Variants in PDCD2L observed in about 807,000 individuals in gnomAD.
PDCD2L encodes the protein programmed cell death 2 like.
In PDCD2L, 44 loss-of-function variants were observed where a neutral mutation model predicts 40.4. That is an observed-to-expected ratio of 1.09 (90% CI 0.86 to 1.40). The LOEUF is 1.40. PDCD2L is among the 40% of genes most tolerant of loss of function. The pLI is 0.00. For synonymous variants in PDCD2L, 194 were observed against 174.6 expected (o/e 1.11, Z -0.88); for missense variants, 470 against 453.7 (o/e 1.04, Z -0.33).
At chr19:34,410,260 C>A (rs1408681943) in intron 4 of PDCD2L, among the ~76,000 whole-genome samples, 1 of 152,062 alleles carries the variant, frequency 6.6e-6, no homozygotes, top group Non-Finnish European at 1.5e-5. Context: ...CATGTCTGAC[C>A]AATTAAAATT....
chr19:34,412,590 C>T (rs1477633261), intron 4 of PDCD2L, among the ~76,000 whole-genome samples: 1 of 151,876 alleles, frequency 6.6e-6, no homozygotes, highest in South Asian at 2.1e-4. Context: ...TGTTGGCGCA[C>T]ACTTGCAATC....
At chr19:34,411,393 C>G (rs980931145) in intron 4 of PDCD2L, among the ~76,000 whole-genome samples, 3 of 151,884 alleles carry the variant, frequency 2.0e-5, no homozygotes, top group African/African-American at 7.3e-5. Context: ...GCGTGCGCCA[C>G]TTCACCCAGC....
chr19:34,425,859 G>T, intron 6 of PDCD2L, 131 bp from the exon 7 acceptor site: 1 of 835,190 alleles, frequency 1.2e-6, no homozygotes, highest in Non-Finnish European at 1.8e-6. Flanking sequence ...TTCTGTTATA[G>T]CTGAAAGCAG....
intron 4 of PDCD2L, among the ~76,000 whole-genome samples, chr19:34,410,999 A>G (rs1025577042): frequency 1.3e-5 from 2 of 151,188 alleles, no homozygotes; most frequent in East Asian, 2.0e-4. Flanking sequence ...TGACCAGGAT[A>G]GTCTCAATCT....
chr19:34,421,579 C>T lies in PDCD2L; in HGVS notation c.858C>T (p.Leu286=). The change falls in exon 6 of 7, where the codon CTC becomes CTT. Residue 286 remains leucine, a synonymous_variant. Transcript: ENST00000246535. ...LTCPTSEVTE[L]PACSQCGGQR... ...GCCCTACATCAGAAGTCACCGAGCTCCCAGCCTGCAGCCAGTGTGGAGGCC... is the reference window on the plus strand; with the variant it reads ...GCCCTACATCAGAAGTCACCGAGCTTCCAGCCTGCAGCCAGTGTGGAGGCC... 6.2e-7 allele frequency: 1 copy of T among 1,614,090 alleles called. No individual in the cohort carries two copies.
At position 34,404,968 on chromosome 19, in the gene PDCD2L, A is replaced by C. The variant is rs2075066950; in HGVS notation, c.314A>C (p.Glu105Ala). The C allele has an allele frequency of 3.1e-6, 5 of 1,614,124 alleles. No individual in the cohort carries two copies. Among genetic ancestry groups the C allele is most frequent in the Non-Finnish European group, 4.2e-6 (5 of 1,180,004 alleles). ...CGCTCCCAGTGCCTGCAGGTGCCAG[A>C]GAGAGAGGCGCAGGACGCTCAGGTA... ...VFRSQCLQVP[E>A]REAQDAQKQG... The change falls in exon 3 of 7, where the codon GAG becomes GCG. Residue 105 changes from glutamate to alanine, a missense_variant. Transcript: ENST00000246535.
rs750896545 is a variant in PDCD2L at position 34,409,339 on chromosome 19, T to A, written c.515T>A (p.Leu172Gln). The change falls in exon 4 of 7, where the codon CTG becomes CAG. Residue 172 changes from leucine to glutamine, a missense_variant. Physicochemically the swap from Leu to Gln is moderately radical, Grantham distance 113 (BLOSUM62 -2). Transcript: ENST00000246535. The stretch of plus-strand genomic sequence containing the variant: ...GACCTCCGCCTGCAGGATGCTGTCC[T>A]GGGTGCTGCCCATCCTGTGCCTCCT... Reference protein sequence around the residue: ...LQDLRLQDAVLGAAHPVPPGL... With the variant: ...LQDLRLQDAVQGAAHPVPPGL... 20 of 1,614,042 alleles carry A rather than the reference T, an allele frequency of 1.2e-5. No individual in the cohort carries two copies. In the Middle Eastern group the frequency reaches 5.0e-4, roughly 40 times the overall value.
chr19:34,422,550 A>C (rs752206744), intron 6 of PDCD2L, among the ~76,000 whole-genome samples: 1 of 152,160 alleles, frequency 6.6e-6, no homozygotes, highest in African/African-American at 2.4e-5. Context: ...TTTTGACATA[A>C]AGACAAATAG....
Position 34,409,313 on chromosome 19 carries a change from A to G in PDCD2L, c.489A>G (p.Gln163=), listed in dbSNP as rs1184695347. 2 of 1,613,918 alleles carry G rather than the reference A, an allele frequency of 1.2e-6. No homozygotes were observed. Among genetic ancestry groups the G allele is most frequent in the Non-Finnish European group, 1.7e-6 (2 of 1,179,986 alleles). The change falls in exon 4 of 7, where the codon CAA becomes CAG. Residue 163 remains glutamine, a synonymous_variant. Coordinates refer to ENST00000246535, the MANE Select transcript of PDCD2L (RefSeq NM_032346.2). Reference sequence around the variant, plus strand: ...ACGTAGACTGGACTGCTCGGCTCCAAGACCTCCGCCTGCAGGATGCTGTCC... The same window carrying G: ...ACGTAGACTGGACTGCTCGGCTCCAGGACCTCCGCCTGCAGGATGCTGTCC... ...AKDVDWTARL[Q]DLRLQDAVLG...
At chr19:34,411,308 C>T (rs1422874571) in intron 4 of PDCD2L, among the ~76,000 whole-genome samples, 4 of 147,180 alleles carry the variant, frequency 2.7e-5, no homozygotes, top group Admixed American at 6.9e-5. Context: ...GGCACGTTCT[C>T]GGCTCACTGC....
chr19:34,422,886 T>G (rs146043233), intron 6 of PDCD2L, among the ~76,000 whole-genome samples: 2,242 of 151,834 alleles, frequency 0.015, 34 homozygotes, highest in African/African-American at 0.05. Flanking sequence ...CAGCTAATTT[T>G]TTTTTGTATT....
At chr19:34,419,263 C>T (rs1290108689) in intron 5 of PDCD2L, among the ~76,000 whole-genome samples, 1 of 151,730 alleles carries the variant, frequency 6.6e-6, no homozygotes. Flanking sequence ...CCAGGTTCAA[C>T]GATTCTCCTG....
At chr19:34,412,717 CAAA>C (rs35174221) in intron 4 of PDCD2L, among the ~76,000 whole-genome samples, 7 of 106,372 alleles carry the variant, frequency 6.6e-5, no homozygotes, top group Non-Finnish European at 1.4e-4. Flanking sequence ...GACTCCCTCT[CAAA>C]AAAAAAAAAA....
chr19:34,419,656 G>T lies in PDCD2L; in HGVS notation c.798-1863G>T, dbSNP rs559433275. Among the ~76,000 whole-genome samples the T allele has an allele frequency of 4.0e-5, 6 of 151,076 alleles. No homozygotes were observed. In the South Asian group the frequency reaches 1.0e-3, roughly 26 times the overall value. Reference sequence around the variant, plus strand: ...CACACCTGACTTTCCATTTGGTGGGGTTTTTTTGTTTTTGTCTCTGTATTC... The same window carrying T: ...CACACCTGACTTTCCATTTGGTGGGTTTTTTTTGTTTTTGTCTCTGTATTC... On this transcript the variant is annotated intron_variant, in intron 5 of 6. Transcript: ENST00000246535.
intron 3 of PDCD2L, among the ~76,000 whole-genome samples, chr19:34,405,950 G>C (rs1041881183): frequency 6.6e-6 from 1 of 151,974 alleles, no homozygotes; most frequent in Non-Finnish European, 1.5e-5. Flanking sequence ...AGAGCAGTCT[G>C]GGCAACATAG....
chr19:34,408,995 G>A (rs2075089481), intron 3 of PDCD2L, 166 bp from the exon 4 acceptor site: 2 of 615,100 alleles, frequency 3.3e-6, no homozygotes, highest in Non-Finnish European at 5.8e-6. Flanking sequence ...CCTCCAACGT[G>A]CTTTTGAGTA....
chr19:34,426,113 T>C lies in PDCD2L; in HGVS notation c.1070T>C (p.Phe357Ser), dbSNP rs762798486. Residue 357 changes from phenylalanine to serine, a missense_variant, in exon 7 of 7, where the codon TTT becomes TCT. Phe to Ser is a radical substitution (Grantham distance 155). Coordinates refer to ENST00000246535, the MANE Select transcript of PDCD2L (RefSeq NM_032346.2). ...IIQEDPDELL[F>S]K ...CAAGAAGACCCAGATGAATTATTGT[T>C]TAAGTAGAGCATTTCCTTTTATTAA... 32 of 1,563,970 alleles carry C rather than the reference T, an allele frequency of 2.0e-5. 1 individual carries two copies. The highest frequency in any genetic ancestry group is 2.6e-6 in the Non-Finnish European group (3 of 1,136,526).
chr19:34,419,973 T>G (rs927780938), intron 5 of PDCD2L, among the ~76,000 whole-genome samples: 2 of 151,610 alleles, frequency 1.3e-5, no homozygotes, highest in Non-Finnish European at 2.9e-5. Flanking sequence ...ACACTATGTC[T>G]GGCTAATTTT....
In PDCD2L at chr19:34,421,649, C is replaced by T; in HGVS notation, c.928C>T (p.Leu310Phe). The T allele has an allele frequency of 6.2e-7, 1 of 1,613,054 alleles. No individual in the cohort carries two copies. The highest frequency in any genetic ancestry group is 8.5e-7 in the Non-Finnish European group (1 of 1,179,478). Residue 310 changes from leucine (L) to phenylalanine (F), a missense_variant, in exon 6 of 7, where the codon CTC (leucine) becomes TTC (phenylalanine). By Grantham distance (22) the Leu-to-Phe change is conservative. Coordinates refer to ENST00000246535, the MANE Select transcript of PDCD2L (RefSeq NM_032346.2). ...FQLMPALVSM[L>F]KSANLGLSVE... ...GCTTATGCCAGCACTGGTCAGCATG[C>T]TCAAGAGTGCTAATTTAGGTGAGAA... is the stretch of plus-strand genomic sequence containing the variant.
Sources: gnomAD v4.1 joint callset for allele counts (sites outside exome capture counted in the v4.1 genomes callset) on GRCh38, gnomAD v4.1.1 for gene constraint, MANE v1.5 for transcripts, NCBI Gene and HGNC (gene_info 2026-07-23, HGNC 2026-07-21) for gene names.